ZNF804A: variants seen among roughly 807,000 people sequenced by gnomAD.
ZNF804A encodes zinc finger protein 804A.
In ZNF804A, 2 loss-of-function variants were observed where a neutral mutation model predicts 16.5. That is an observed-to-expected ratio of 0.12 (90% CI 0.05 to 0.38). ZNF804A has a LOEUF of 0.38. Among genes scored for constraint, ZNF804A ranks in the 10% least tolerant of loss-of-function variants. The pLI, the probability that ZNF804A is intolerant of heterozygous loss-of-function variation, is 0.99. For synonymous variants in ZNF804A, 534 were observed against 489.6 expected, an observed-to-expected ratio of 1.09 and a Z score of -1.20; for missense variants, 1,473 against 1,390.7, an observed-to-expected ratio of 1.06 and a Z score of -0.94.
intron 1 of ZNF804A, among the ~76,000 whole-genome samples, chr2:184,738,420 A>T (rs1369885529): frequency 6.6e-6 from 1 of 152,186 alleles, no homozygotes; most frequent in Non-Finnish European, 1.5e-5. Context: ...TATTTTGATG[A>T]TCCTTTTGGA....
Position 184,923,738 on chromosome 2 carries a change from T to G in ZNF804A, c.256-9865T>G, listed in dbSNP as rs1395061694. Among the ~76,000 whole-genome samples, 3 of 152,014 alleles carry G rather than the reference T, an allele frequency of 2.0e-5. No individual in the cohort carries two copies. The East Asian group carries it at 5.8e-4, about 29-fold the overall frequency. ...AGGTATGCTCCTTCTAAACCCAGTT[T>G]TTTGAGGGCTTTTGTCAGAAAGAGA... On this transcript the variant is annotated intron_variant, in intron 2 of 3. Coordinates refer to ENST00000302277, the MANE Select transcript of ZNF804A (RefSeq NM_194250.2).
At chr2:184,827,586 C>T (rs982235142) in intron 1 of ZNF804A, among the ~76,000 whole-genome samples, 2 of 150,306 alleles carry the variant, frequency 1.3e-5, no homozygotes, top group African/African-American at 2.4e-5. Flanking sequence ...TGCTGTCAAT[C>T]TTTCCACCAA....
chr2:184,668,740 G>A (rs1023627057), intron 1 of ZNF804A, among the ~76,000 whole-genome samples: 15 of 151,938 alleles, frequency 9.9e-5, no homozygotes, highest in African/African-American at 3.1e-4. Flanking sequence ...TAGTGAAGTG[G>A]CTTATTATAT....
chr2:184,744,483 C>G (rs11892743), intron 1 of ZNF804A, among the ~76,000 whole-genome samples: 10,597 of 151,738 alleles, frequency 0.07, 1,270 homozygotes, highest in African/African-American at 0.24. Context: ...GAGAGCCATG[C>G]CCCTTCCACC....
chr2:184,634,830 C>T (rs567219055), intron 1 of ZNF804A, among the ~76,000 whole-genome samples: 8 of 152,180 alleles, frequency 5.3e-5, no homozygotes, highest in Admixed American at 3.9e-4. Context: ...TTTGTTACAA[C>T]AATAGGAAAC....
At chr2:184,910,281 A>G (rs1685335267) in intron 2 of ZNF804A, among the ~76,000 whole-genome samples, 1 of 151,940 alleles carries the variant, frequency 6.6e-6, no homozygotes. Flanking sequence ...AGCTGCATTC[A>G]TGTTGCTGTA....
At chr2:184,742,252 T>A (rs1693719426) in intron 1 of ZNF804A, among the ~76,000 whole-genome samples, 1 of 152,060 alleles carries the variant, frequency 6.6e-6, no homozygotes, top group Non-Finnish European at 1.5e-5. Context: ...AGAGAAAAGC[T>A]GTTCTATTTC....
intron 1 of ZNF804A, among the ~76,000 whole-genome samples, chr2:184,843,819 T>G (rs1407476018): frequency 6.6e-6 from 1 of 152,190 alleles, no homozygotes; most frequent in East Asian, 1.9e-4. Flanking sequence ...CTGGCTTTTT[T>G]AACTCACTCT....
chr2:184,932,993 T>C (rs1384899100), intron 2 of ZNF804A, among the ~76,000 whole-genome samples: 2 of 152,106 alleles, frequency 1.3e-5, no homozygotes, highest in African/African-American at 4.8e-5. Context: ...GAAGGGATTG[T>C]TTTAAACCAC....
At chr2:184,626,916 C>T (rs934525100) in intron 1 of ZNF804A, among the ~76,000 whole-genome samples, 73 of 152,036 alleles carry the variant, frequency 4.8e-4, no homozygotes, top group Admixed American at 1.2e-3. Context: ...TGGACTTTCA[C>T]GTAACAGCAG....
intron 1 of ZNF804A, among the ~76,000 whole-genome samples, chr2:184,638,469 C>A (rs975722340): frequency 6.6e-6 from 1 of 152,110 alleles, no homozygotes; most frequent in Non-Finnish European, 1.5e-5. Context: ...ATAAAAAATA[C>A]CTTAGGTCTG....
At chr2:184,721,920 A>C (rs1373046373) in intron 1 of ZNF804A, among the ~76,000 whole-genome samples, 2 of 152,036 alleles carry the variant, frequency 1.3e-5, no homozygotes, top group Non-Finnish European at 2.9e-5. Flanking sequence ...AAATGAAATC[A>C]TGTCATTTGC....
intron 1 of ZNF804A, among the ~76,000 whole-genome samples, chr2:184,781,216 A>C (rs1264260201): frequency 6.6e-6 from 1 of 151,722 alleles, no homozygotes; most frequent in African/African-American, 2.4e-5. Context: ...TTGTGCACAA[A>C]TTTATCTTAG....
chr2:184,662,928 T>C (rs1347707549), intron 1 of ZNF804A, among the ~76,000 whole-genome samples: 1 of 152,252 alleles, frequency 6.6e-6, no homozygotes, highest in Non-Finnish European at 1.5e-5. Flanking sequence ...TTCATAAGTA[T>C]TTAGAATGCT....
At chr2:184,894,484 A>G (rs1685035775) in intron 2 of ZNF804A, among the ~76,000 whole-genome samples, 1 of 151,776 alleles carries the variant, frequency 6.6e-6, no homozygotes, top group East Asian at 1.9e-4. Context: ...TGCCCTTTTA[A>G]TTCTGTTGGC....
rs1574280361 is a variant in ZNF804A at position 184,939,118 on chromosome 2, G to A, written c.*92G>A. ...ATGTGGGTACATGGCTATTTAACTG[G>A]TGGAAATAAACTGGCCGATACATGG... On this transcript the variant is annotated 3_prime_UTR_variant, in exon 4 of 4. Coordinates refer to ENST00000302277, the MANE Select transcript of ZNF804A (RefSeq NM_194250.2). The A allele has an allele frequency of 4.7e-6, 7 of 1,487,404 alleles. No individual in the cohort carries two copies. The South Asian group carries it at 9.2e-5, about 20-fold the overall frequency. The allele number at this position is 1,487,404 out of a possible 1,614,324, so 92.1% of individuals were successfully genotyped here. A position where few individuals can be genotyped will look rare whatever the true frequency, so the allele number is the denominator to read the frequency against.
At chr2:184,706,893 C>T (rs967272566) in intron 1 of ZNF804A, among the ~76,000 whole-genome samples, 5 of 152,146 alleles carry the variant, frequency 3.3e-5, no homozygotes, top group Non-Finnish European at 7.4e-5. Flanking sequence ...ATTAAAACTA[C>T]ATGAATATCA....
chr2:184,938,742 G>GCTGCAC lies in ZNF804A; in HGVS notation c.3347_3348insTGCACC (p.Ala1117_Ala1118insProAla). 1 of 1,608,614 alleles carries GCTGCAC rather than the reference G, an allele frequency of 6.2e-7. No homozygotes were observed. The highest frequency in any genetic ancestry group is 8.5e-7 in the Non-Finnish European group (1 of 1,177,648). ...TGCAGCTGCTGCAGCTGCAGCTGCA[G>GCTGCAC]CCGCAGCTGCAGGAACCTTTAAAGT... On this transcript the variant is annotated inframe_insertion, in exon 4 of 4. Coordinates refer to ENST00000302277, the MANE Select transcript of ZNF804A (RefSeq NM_194250.2).
intron 1 of ZNF804A, among the ~76,000 whole-genome samples, chr2:184,627,374 C>T (rs1489247464): frequency 6.6e-6 from 1 of 151,974 alleles, no homozygotes; most frequent in Non-Finnish European, 1.5e-5. Flanking sequence ...GTTAATTATA[C>T]AGATATCTAA....
Sources: gnomAD v4.1 joint callset for allele counts (sites outside exome capture counted in the v4.1 genomes callset) on GRCh38, gnomAD v4.1.1 for gene constraint, MANE v1.5 for transcripts, NCBI Gene and HGNC (gene_info 2026-07-23, HGNC 2026-07-21) for gene names.